ERICH1: variants seen among roughly 807,000 people sequenced by gnomAD.
The protein encoded by ERICH1 is glutamate-rich protein 1.
Under a neutral mutation model 39.6 loss-of-function variants are expected in ERICH1, and 56 were observed. The observed-to-expected ratio is 1.41, with a 90% CI of 1.14 to 1.77. The LOEUF is 1.77. Among genes scored for constraint, ERICH1 ranks in the 40% most tolerant of loss-of-function variants. ERICH1 has a pLI of 0.00. For missense variants in ERICH1, 826 were observed against 575.4 expected (o/e 1.44, Z -4.45); for synonymous variants, 313 against 223.6 (o/e 1.40, Z -3.57).
chr8:644,186 G>A lies in ERICH1; in HGVS notation c.976+24412C>T, dbSNP rs570901952. ...CCTAAGGCAAGTGCCTGGCCTCCTG[G>A]CCCCATCCTAAGGCAAGCGCCTGGC... On this transcript the variant is annotated intron_variant, in intron 3 of 3. Transcript: ENST00000522706. Among the ~76,000 whole-genome samples the A allele has an allele frequency of 5.9e-5, 9 of 151,922 alleles. No homozygotes were observed. In the South Asian group the frequency reaches 1.9e-3, roughly 32 times the overall value.
intron 3 of ERICH1, among the ~76,000 whole-genome samples, chr8:687,338 G>C (rs1807654542): frequency 6.6e-6 from 1 of 152,192 alleles, no homozygotes; most frequent in Non-Finnish European, 1.5e-5. Flanking sequence ...ATTCAACGCA[G>C]TTCACCAAAT....
chr8:645,244 C>T (rs1799418660), intron 3 of ERICH1, among the ~76,000 whole-genome samples: 1 of 68,220 alleles, frequency 1.5e-5, no homozygotes, highest in Admixed American at 1.3e-4. Context: ...CTTTGGGACG[C>T]ACCTGCAAGG....
chr8:723,716 T>G (rs1358270625), intron 1 of ERICH1, among the ~76,000 whole-genome samples: 1 of 152,266 alleles, frequency 6.6e-6, no homozygotes, highest in South Asian at 2.1e-4. Flanking sequence ...TCTGGAAATC[T>G]GATTGTTTCA....
At chr8:677,036 CCT>C (rs1183284351) in intron 3 of ERICH1, among the ~76,000 whole-genome samples, 1 of 152,230 alleles carries the variant, frequency 6.6e-6, no homozygotes, top group African/African-American at 2.4e-5. Flanking sequence ...TTCCTATTCT[CCT>C]CTGTCTCAAC....
intron 3 of ERICH1, among the ~76,000 whole-genome samples, chr8:688,013 G>A (rs972680330): frequency 1.3e-5 from 2 of 152,052 alleles, no homozygotes; most frequent in Non-Finnish European, 2.9e-5. Context: ...CGCAGCCCCA[G>A]CTCCCGCCGA....
chr8:707,411 T>C (rs62484215), intron 2 of ERICH1, among the ~76,000 whole-genome samples: 2,402 of 152,182 alleles, frequency 0.016, 32 homozygotes, highest in Middle Eastern at 0.058. Flanking sequence ...TTTCACCACG[T>C]TGGCCAGGCT....
At chr8:652,745 G>C (rs867056891) in intron 3 of ERICH1, among the ~76,000 whole-genome samples, 1 of 152,160 alleles carries the variant, frequency 6.6e-6, no homozygotes, top group African/African-American at 2.4e-5. Flanking sequence ...TGTAGAACTG[G>C]TTTATAAAAA....
rs762990627 is a variant in ERICH1, at chr8:668,682, T to C, written c.1174A>G (p.Met392Val). ...LPSDVSILYH[M>V]KTLLLLQDTE... is the part of the protein sequence containing the mutation. ...TCTTGCAGGAGCAGCAGCGTTTTCA[T>C]GTGGTACAGGATGGACACGTCTGAG... is the stretch of plus-strand genomic sequence containing the variant. Residue 392 changes from methionine (M) to valine (V), a missense_variant, in exon 5 of 6, where the codon ATG (methionine) becomes GTG (valine). Physicochemically the swap from Met to Val is conservative, Grantham distance 21 (BLOSUM62 1). Coordinates refer to ENST00000262109, the MANE Select transcript of ERICH1 (RefSeq NM_207332.3). The C allele has an allele frequency of 6.8e-6, 11 of 1,614,192 alleles. No individual in the cohort carries two copies. Among genetic ancestry groups the C allele is most frequent in the Non-Finnish European group, 9.3e-6 (11 of 1,180,048 alleles).
chr8:698,613 C>T (rs572965731), intron 2 of ERICH1, among the ~76,000 whole-genome samples: 34 of 152,220 alleles, frequency 2.2e-4, no homozygotes, highest in African/African-American at 7.5e-4. Context: ...TTCTGAAAAA[C>T]ATTTTTAAAA....
intron 3 of ERICH1, among the ~76,000 whole-genome samples, chr8:687,416 G>A (rs1018253398): frequency 6.6e-6 from 1 of 152,264 alleles, no homozygotes; most frequent in Admixed American, 6.5e-5. Flanking sequence ...AGCCGGCAAC[G>A]CTCACGTTTG....
intron 1 of ERICH1, among the ~76,000 whole-genome samples, chr8:730,435 A>G (rs971171608): frequency 1.1e-4 from 17 of 152,346 alleles, no homozygotes; most frequent in Admixed American, 1.0e-3. Context: ...GAATTAATCC[A>G]AGTAACACGA....
intron 2 of ERICH1, among the ~76,000 whole-genome samples, chr8:710,785 C>A (rs1460126311): frequency 6.6e-6 from 1 of 152,224 alleles, no homozygotes; most frequent in Non-Finnish European, 1.5e-5. Flanking sequence ...TACTGAAGGA[C>A]ATCTTCGTTG....
chr8:703,182 T>C (rs1055149225), intron 2 of ERICH1, among the ~76,000 whole-genome samples: 3 of 152,216 alleles, frequency 2.0e-5, no homozygotes, highest in East Asian at 3.9e-4. Context: ...CACAGCCAAA[T>C]GCACAGAAAT....
chr8:724,940 G>A (rs561379635), intron 1 of ERICH1, among the ~76,000 whole-genome samples: 1 of 152,278 alleles, frequency 6.6e-6, no homozygotes, highest in South Asian at 2.1e-4. Context: ...GTGGCCTCCT[G>A]GACCCCACTT....
intron 4 of ERICH1, among the ~76,000 whole-genome samples, chr8:670,830 TGACCTCTGAACCCACTGGCCCCTGCTTC>T: frequency 6.8e-6 from 1 of 146,414 alleles, no homozygotes; most frequent in Admixed American, 6.8e-5. Context: ...CCCCAGGCTC[TGACCTCTGAACCCACTGGCCCCTGCTTC>T]GACCTCTGAG....
intron 1 of ERICH1, among the ~76,000 whole-genome samples, chr8:717,175 C>T (rs1000458258): frequency 6.6e-5 from 10 of 152,286 alleles, no homozygotes; most frequent in Admixed American, 2.6e-4. Flanking sequence ...TGGGAGGAAA[C>T]GACCTCTGGT....
chr8:618,348 A>G (rs999925519), intron 3 of ERICH1, among the ~76,000 whole-genome samples: 30 of 144,188 alleles, frequency 2.1e-4, no homozygotes, highest in African/African-American at 7.6e-4. Flanking sequence ...GTGCCTTTTG[A>G]GTGCTCGTAC....
chr8:723,371 A>G (rs1364668704), intron 1 of ERICH1, among the ~76,000 whole-genome samples: 2 of 152,272 alleles, frequency 1.3e-5, no homozygotes, highest in African/African-American at 4.8e-5. Flanking sequence ...AGTTTATAAC[A>G]TTCCTTTTTA....
chr8:626,815 T>G, intron 3 of ERICH1: 1 of 244,402 alleles, frequency 4.1e-6, no homozygotes, highest in East Asian at 8.0e-5. Flanking sequence ...CTGATTTATA[T>G]CACATCATGG....
Sources: allele counts gnomAD v4.1 joint callset (sites outside exome capture counted in the v4.1 genomes callset), GRCh38; gene constraint gnomAD v4.1.1; transcripts MANE v1.5; gene names NCBI Gene and HGNC (gene_info 2026-07-23, HGNC 2026-07-21).